The following PI4KA variants were observed in gnomAD, a reference collection of about 807,000 sequenced individuals.
PI4KA encodes the protein phosphatidylinositol 4-kinase alpha, also known as PI4-kinase alpha.
In PI4KA, 122 loss-of-function variants were observed where a neutral mutation model predicts 271.4. The observed-to-expected ratio is 0.45, with a 90% CI of 0.39 to 0.52. The LOEUF (loss-of-function observed/expected upper bound fraction) is 0.52, where lower values mean the gene tolerates loss of function less well. PI4KA is among the 20% of genes least tolerant of loss of function. The probability of loss-of-function intolerance (pLI) is 0.00; values close to 1 mark genes in which losing one functional copy is unlikely to be tolerated. For synonymous variants in PI4KA, 1,041 were observed against 1,078.8 expected, an observed-to-expected ratio of 0.96 and a Z score of 0.69; for missense variants, 1,969 against 2,769.1, an observed-to-expected ratio of 0.71 and a Z score of 6.48.
At chr22:20,833,664 T>TGG (rs1339811350) in intron 3 of PI4KA, among the ~76,000 whole-genome samples, 6 of 146,578 alleles carry the variant, frequency 4.1e-5, no homozygotes, top group Non-Finnish European at 9.0e-5. Context: ...TTTGTTTTTT[T>TGG]TTTTTTTTTT....
intron 25 of PI4KA, 70 bp from the exon 26 acceptor site, chr22:20,751,825 T>G (rs1930732028): frequency 1.4e-6 from 2 of 1,381,448 alleles, no homozygotes; most frequent in African/African-American, 2.9e-5. Flanking sequence ...AGGAGCCCCC[T>G]CAGCTGCCAG....
At chr22:20,779,794 C>G (rs930125664) in intron 19 of PI4KA, 2 of 1,614,186 alleles carry the variant, frequency 1.2e-6, no homozygotes, top group East Asian at 4.5e-5. Context: ...ATTTCTACTG[C>G]GATGGGTATG....
At chr22:20,731,657 C>T (rs1359319789) in intron 36 of PI4KA, among the ~76,000 whole-genome samples, 3 of 152,018 alleles carry the variant, frequency 2.0e-5, no homozygotes, top group Non-Finnish European at 4.4e-5. Flanking sequence ...TGGCCGGGCA[C>T]GGTGGCTCAC....
chr22:20,851,177 C>G (rs165782), intron 1 of PI4KA, among the ~76,000 whole-genome samples: 58,867 of 149,604 alleles, frequency 0.39, 12,035 homozygotes, highest in African/African-American at 0.52. Context: ...TTGGGCAACA[C>G]AGTGAGACCC....
intron 19 of PI4KA, among the ~76,000 whole-genome samples, chr22:20,766,512 A>G (rs1201824790): frequency 6.6e-6 from 1 of 152,178 alleles, no homozygotes; most frequent in Non-Finnish European, 1.5e-5. Context: ...AAAAATACAA[A>G]AAATTAGCTG....
Position 20,804,971 on chromosome 22 carries a change from C to T in PI4KA, c.1360+3G>A, listed in dbSNP as rs769791685. The T allele has an allele frequency of 5.6e-6, 9 of 1,609,550 alleles. No individual in the cohort carries two copies. The highest frequency in any genetic ancestry group is 6.8e-6 in the Non-Finnish European group (8 of 1,177,126). On this transcript the variant is annotated splice_donor_region_variant and intron_variant, in intron 11 of 54. Transcript: ENST00000255882. ...ACATGAGAGGCAAGGCAGTCTGTCTCACCCTGCTCGTCCTTCACAGCCCAC... is the reference window on the plus strand; with the variant it reads ...ACATGAGAGGCAAGGCAGTCTGTCTTACCCTGCTCGTCCTTCACAGCCCAC...
At chr22:20,791,276 C>T (rs962012947) in intron 19 of PI4KA, among the ~76,000 whole-genome samples, 4 of 152,220 alleles carry the variant, frequency 2.6e-5, no homozygotes, top group African/African-American at 9.7e-5. Flanking sequence ...TTGCCCTAAG[C>T]ATCCTCCCTA....
chr22:20,843,141 T>G (rs1925800930), intron 1 of PI4KA, among the ~76,000 whole-genome samples: 1 of 152,160 alleles, frequency 6.6e-6, no homozygotes, highest in African/African-American at 2.4e-5. Flanking sequence ...AGTTCCTTCT[T>G]TATTATTTTC....
chr22:20,853,104 T>C (rs1168875669), intron 1 of PI4KA, among the ~76,000 whole-genome samples: 1 of 152,170 alleles, frequency 6.6e-6, no homozygotes, highest in African/African-American at 2.4e-5. Context: ...AATAGTTAGC[T>C]ACGACACCTC....
At chr22:20,839,547 C>G (rs1925292016) in intron 1 of PI4KA, among the ~76,000 whole-genome samples, 1 of 152,150 alleles carries the variant, frequency 6.6e-6, no homozygotes. Context: ...AAATCAAATG[C>G]ATGGCCAGGA....
At chr22:20,858,219 T>TCGGCTCATCC (rs1927858167) in intron 1 of PI4KA, among the ~76,000 whole-genome samples, 2 of 152,174 alleles carry the variant, frequency 1.3e-5, no homozygotes. Flanking sequence ...CCCCTGGTCC[T>TCGGCTCATCC]CGGCTCATCC....
At chr22:20,784,282 A>G in intron 19 of PI4KA, 1 of 1,613,852 alleles carries the variant, frequency 6.2e-7, no homozygotes, top group Non-Finnish European at 8.5e-7. Context: ...TTGAGCTCCC[A>G]GATGCTGGGG....
At chr22:20,777,344 G>A (rs1233224170) in intron 19 of PI4KA, among the ~76,000 whole-genome samples, 1 of 151,716 alleles carries the variant, frequency 6.6e-6, no homozygotes, top group Non-Finnish European at 1.5e-5. Context: ...AGCCTCCTAA[G>A]TATCTGGGAT....
intron 44 of PI4KA, among the ~76,000 whole-genome samples, chr22:20,718,063 C>G (rs1926237470): frequency 6.6e-6 from 1 of 152,148 alleles, no homozygotes; most frequent in South Asian, 2.1e-4. Flanking sequence ...CACCTGCTGC[C>G]ACCCAGGAAA....
chr22:20,727,870 G>C lies in PI4KA; in HGVS notation c.4683-6C>G. The C allele has an allele frequency of 1.9e-6, 3 of 1,611,668 alleles. No homozygotes were observed. Among genetic ancestry groups the C allele is most frequent in the Non-Finnish European group, 2.5e-6 (3 of 1,177,824 alleles). On this transcript the variant is annotated splice_region_variant and splice_polypyrimidine_tract_variant and intron_variant, in intron 39 of 54. Transcript: ENST00000255882. ...TGGCTTCTGTGTTCTTAAACCTACA[G>C]TGCACAGAGGGTATGGGTGGTGCTG...
chr22:20,789,459 A>T (rs913031391), intron 19 of PI4KA, among the ~76,000 whole-genome samples: 2 of 152,172 alleles, frequency 1.3e-5, no homozygotes, highest in Non-Finnish European at 2.9e-5. Flanking sequence ...CCTCCCGAGT[A>T]GCTGGGACTA....
chr22:20,822,904 T>C (rs767232833), intron 4 of PI4KA, among the ~76,000 whole-genome samples: 1 of 152,132 alleles, frequency 6.6e-6, no homozygotes, highest in African/African-American at 2.4e-5. Flanking sequence ...TGAAAAGCAA[T>C]AGTTTTTCCA....
chr22:20,799,024 T>A lies in PI4KA; in HGVS notation c.2004+69A>T, dbSNP rs1314158795. The A allele has an allele frequency of 1.7e-5, 22 of 1,272,552 alleles. No homozygotes were observed. The Admixed American group carries it at 4.7e-4, about 27-fold the overall frequency. 78.8% of individuals were successfully genotyped at this position (1,272,552 alleles called of 1,614,324 possible). On this transcript the variant is annotated intron_variant, in intron 16 of 54. Coordinates refer to ENST00000255882, the MANE Select transcript of PI4KA (RefSeq NM_058004.4). ...GGTATATTTAATCTGTATTTGTACA[T>A]CCCTTATAGTCAAGAGTTTAACGTA... is the stretch of plus-strand genomic sequence containing the variant.
At chr22:20,764,601 C>T (rs748790622) in intron 22 of PI4KA, 25 of 507,026 alleles carry the variant, frequency 4.9e-5, no homozygotes, top group African/African-American at 3.9e-4. Flanking sequence ...GAAGATGATG[C>T]GGAGCTTAGA....
Sources: gnomAD v4.1 joint callset for allele counts (sites outside exome capture counted in the v4.1 genomes callset) on GRCh38, gnomAD v4.1.1 for gene constraint, MANE v1.5 for transcripts, NCBI Gene and HGNC (gene_info 2026-07-23, HGNC 2026-07-21) for gene names.